FRMPD4: variants seen among roughly 807,000 people sequenced by gnomAD.
The protein encoded by FRMPD4 is FERM and PDZ domain-containing protein 4.
A neutral mutation model predicts 94.1 loss-of-function variants in FRMPD4; 22 were observed. That is an observed-to-expected ratio of 0.23 (90% CI 0.17 to 0.33). FRMPD4 has a LOEUF of 0.33. Ranked by LOEUF, FRMPD4 falls within the 10% of genes least tolerant of loss-of-function variation. FRMPD4 has a pLI of 1.00. For synonymous variants in FRMPD4, 631 were observed against 548.6 expected, an observed-to-expected ratio of 1.15 and a Z score of -2.10; for missense variants, 1,111 against 1,339.9, an observed-to-expected ratio of 0.83 and a Z score of 2.67.
At chrX:12,215,109 C>G (rs2056793120) in intron 1 of FRMPD4, among the ~76,000 whole-genome samples, 1 of 111,978 alleles carries the variant, frequency 8.9e-6, no homozygotes, top group Admixed American at 9.5e-5. Flanking sequence ...CTTTTATTAA[C>G]TCACAAAAAT....
rs183423329 is a variant in FRMPD4 at position 12,074,823 on chromosome X, C to T, written c.95+196805C>T. On this transcript the variant is annotated intron_variant, in intron 3 of 18. Transcript: ENST00000640291. ...CATAAATAAGATAATCTCTTTCATC[C>T]TATAATTCTTAAAACAATGTTCAGA... 8.0e-5 allele frequency among the ~76,000 whole-genome samples: 9 copies of T among 112,501 alleles called. No individual in the cohort carries two copies. In the East Asian group the frequency reaches 2.2e-3, roughly 28 times the overall value.
intron 3 of FRMPD4, among the ~76,000 whole-genome samples, chrX:12,079,001 A>G (rs1408040068): frequency 9.0e-6 from 1 of 111,477 alleles, no homozygotes; most frequent in Non-Finnish European, 1.9e-5. Context: ...TCATGGAAAC[A>G]TAATTAGGGT....
chrX:12,602,455 T>C (rs73446809), intron 2 of FRMPD4, among the ~76,000 whole-genome samples: 18,777 of 111,101 alleles, frequency 0.17, 2,032 homozygotes, highest in African/African-American at 0.39. Flanking sequence ...GGGAGAAGTT[T>C]CCTTTGGAGG....
At chrX:11,870,298 T>C (rs1162636638) in intron 2 of FRMPD4, among the ~76,000 whole-genome samples, 1 of 111,802 alleles carries the variant, frequency 8.9e-6, no homozygotes, top group African/African-American at 3.2e-5. Flanking sequence ...CTCACGTTTG[T>C]GTGGGCCCTT....
intron 1 of FRMPD4, among the ~76,000 whole-genome samples, chrX:12,471,983 G>A (rs1032159185): frequency 8.9e-6 from 1 of 112,466 alleles, no homozygotes; most frequent in African/African-American, 3.2e-5. Flanking sequence ...CTGAACCCTA[G>A]TGCACAAATT....
chrX:12,673,615 C>T (rs2059865682), intron 4 of FRMPD4, among the ~76,000 whole-genome samples: 1 of 111,956 alleles, frequency 8.9e-6, no homozygotes, highest in Admixed American at 9.5e-5. Flanking sequence ...ATCTTATGCA[C>T]TGAATTCTCA....
At chrX:11,902,879 A>G (rs2053945970) in intron 3 of FRMPD4, among the ~76,000 whole-genome samples, 1 of 112,033 alleles carries the variant, frequency 8.9e-6, no homozygotes, top group East Asian at 2.8e-4. Context: ...AACTTATTGC[A>G]GTAATTTGGG....
At chrX:12,330,513 A>G (rs1385212156) in intron 1 of FRMPD4, among the ~76,000 whole-genome samples, 1 of 111,768 alleles carries the variant, frequency 8.9e-6, no homozygotes, top group African/African-American at 3.3e-5. Flanking sequence ...GAGGTTTGAG[A>G]AACTTTGGCA....
At chrX:12,272,207 A>G (rs895387443) in intron 1 of FRMPD4, among the ~76,000 whole-genome samples, 4 of 112,255 alleles carry the variant, frequency 3.6e-5, no homozygotes, top group African/African-American at 1.3e-4. Context: ...TGTCTTCCTC[A>G]TCATTATTCA....
intron 3 of FRMPD4, among the ~76,000 whole-genome samples, chrX:11,884,779 T>A (rs944762127): frequency 8.9e-6 from 1 of 111,918 alleles, no homozygotes; most frequent in Non-Finnish European, 1.9e-5. Context: ...CTTATAAAAA[T>A]TTTTAAAATA....
At chrX:12,003,478 A>G (rs1429817273) in intron 3 of FRMPD4, among the ~76,000 whole-genome samples, 1 of 110,708 alleles carries the variant, frequency 9.0e-6, no homozygotes, top group Non-Finnish European at 1.9e-5. Context: ...TGGTGGCACA[A>G]TCTTGGTTCA....
intron 3 of FRMPD4, among the ~76,000 whole-genome samples, chrX:12,027,403 T>G (rs2054666996): frequency 8.9e-6 from 1 of 112,066 alleles, no homozygotes; most frequent in African/African-American, 3.2e-5. Flanking sequence ...CTCAACCACA[T>G]AAATATTTGA....
At chrX:12,525,532 C>A (rs1266233059) in intron 2 of FRMPD4, among the ~76,000 whole-genome samples, 2 of 111,908 alleles carry the variant, frequency 1.8e-5, no homozygotes, top group Admixed American at 1.9e-4. Flanking sequence ...AATTATTTCA[C>A]CCCAAAATAT....
chrX:12,532,494 A>G (rs2058295739), intron 2 of FRMPD4, among the ~76,000 whole-genome samples: 1 of 111,844 alleles, frequency 8.9e-6, no homozygotes, highest in Non-Finnish European at 1.9e-5. Flanking sequence ...TAAACTATAG[A>G]CTAGAGTAGT....
chrX:12,419,258 G>GGACAAAGCATCCTGTCTCC (rs1163076844), intron 1 of FRMPD4, among the ~76,000 whole-genome samples: 3 of 110,803 alleles, frequency 2.7e-5, no homozygotes, highest in Non-Finnish European at 5.7e-5. Context: ...TTCCTGTCTC[G>GGACAAAGCATCCTGTCTCC]GACAAAGCAT....
chrX:12,260,685 T>C (rs1038848764), intron 1 of FRMPD4, among the ~76,000 whole-genome samples: 4 of 112,393 alleles, frequency 3.6e-5, no homozygotes, highest in Non-Finnish European at 7.5e-5. Flanking sequence ...CCAAGCTCTT[T>C]AGCATGGCAT....
intron 2 of FRMPD4, among the ~76,000 whole-genome samples, chrX:12,510,860 G>A (rs1438068076): frequency 9.0e-6 from 1 of 111,473 alleles, no homozygotes; most frequent in South Asian, 3.8e-4. Flanking sequence ...CCTGAGTTAC[G>A]TTACTCAGAG....
intron 1 of FRMPD4, among the ~76,000 whole-genome samples, chrX:12,379,508 G>A (rs1320108406): frequency 9.0e-6 from 1 of 111,275 alleles, no homozygotes; most frequent in African/African-American, 3.3e-5. Flanking sequence ...GATCTTCAAG[G>A]TATTTTCTTT....
intron 2 of FRMPD4, among the ~76,000 whole-genome samples, chrX:12,507,577 A>T (rs1254132548): frequency 3.6e-5 from 4 of 112,139 alleles, no homozygotes; most frequent in Non-Finnish European, 5.6e-5. Context: ...CTCCCATGAA[A>T]TGAGGAGCTG....
Sources: allele counts gnomAD v4.1 joint callset (sites outside exome capture counted in the v4.1 genomes callset), GRCh38; gene constraint gnomAD v4.1.1; transcripts MANE v1.5; gene names NCBI Gene and HGNC (gene_info 2026-07-23, HGNC 2026-07-21).